GTF3C1: variants seen among roughly 807,000 people sequenced by gnomAD.
GTF3C1 encodes the protein general transcription factor IIIC subunit 1.
A neutral mutation model predicts 226.7 loss-of-function variants in GTF3C1; 57 were observed. The observed-to-expected ratio is 0.25, with a 90% confidence interval of 0.20 to 0.31. The LOEUF is 0.31. Ranked by LOEUF, GTF3C1 falls within the 10% of genes least tolerant of loss-of-function variation. The pLI, the probability that GTF3C1 is intolerant of heterozygous loss-of-function variation, is 1.00. For missense variants in GTF3C1, 2,217 were observed against 2,776.1 expected (o/e 0.80, Z 4.53); for synonymous variants, 1,090 against 1,084.8 (o/e 1.00, Z -0.09).
intron 6 of GTF3C1, among the ~76,000 whole-genome samples, chr16:27,517,180 T>C (rs1367176996): frequency 2.6e-5 from 4 of 152,208 alleles, no homozygotes; most frequent in African/African-American, 9.7e-5. Context: ...GTGTAGTGTG[T>C]GCCTTGTGAT....
intron 5 of GTF3C1, among the ~76,000 whole-genome samples, chr16:27,529,856 C>T (rs1306320088): frequency 4.6e-5 from 7 of 152,220 alleles, no homozygotes; most frequent in Non-Finnish European, 1.0e-4. Context: ...TGAAACTGAA[C>T]GTCAGTTGCC....
At chr16:27,529,336 A>G (rs2088880676) in intron 5 of GTF3C1, among the ~76,000 whole-genome samples, 1 of 151,828 alleles carries the variant, frequency 6.6e-6, no homozygotes, top group South Asian at 2.1e-4. Flanking sequence ...CTAGCTACTC[A>G]GGAGGTTGAG....
At chr16:27,518,147 T>C (rs1175991815) in intron 6 of GTF3C1, among the ~76,000 whole-genome samples, 1 of 152,008 alleles carries the variant, frequency 6.6e-6, no homozygotes, top group East Asian at 1.9e-4. Context: ...CAGGCAGACG[T>C]CATGTAAATT....
At chr16:27,467,243 G>A (rs760723111) in intron 32 of GTF3C1, among the ~76,000 whole-genome samples, 11 of 152,206 alleles carry the variant, frequency 7.2e-5, no homozygotes, top group Admixed American at 3.3e-4. Context: ...TGAAGCCAGT[G>A]GTCATTTCCC....
In GTF3C1 at chr16:27,462,264, C is replaced by T. The variant is rs555433341; in HGVS notation, c.6117+30G>A. ...CACTGAGTGCACCCAGCCGCCTCCA[C>T]ACCCTGCTGAACCCAGGAAGGCCCC... On this transcript the variant is annotated intron_variant, in intron 36 of 36. Transcript: ENST00000356183. The surrounding 1 kb of genome is among the most constrained non-coding windows in gnomAD (Gnocchi z 4.5). 33 of 1,519,344 alleles carry T rather than the reference C, an allele frequency of 2.2e-5. No homozygotes were observed. In the Admixed American group the frequency reaches 4.1e-4, roughly 19 times the overall value. The allele number at this position is 1,519,344 out of a possible 1,614,324, so 94.1% of individuals were successfully genotyped here.
Position 27,492,537 on chromosome 16 carries a change from G to T in GTF3C1, c.2974-22C>A. On this transcript the variant is annotated intron_variant, in intron 18 of 36. Coordinates refer to ENST00000356183, the MANE Select transcript of GTF3C1 (RefSeq NM_001520.4). The surrounding 1 kb of genome is among the most constrained non-coding windows in gnomAD (Gnocchi z 5.0). ...AGACCTAAGGGGAGACACCAGACAGGGAGAACCCACATTGGGTCTGGCTGC... is the reference window on the plus strand; with the variant it reads ...AGACCTAAGGGGAGACACCAGACAGTGAGAACCCACATTGGGTCTGGCTGC... 6.2e-7 allele frequency: 1 copy of T among 1,600,172 alleles called. No individual in the cohort carries two copies. The highest frequency in any genetic ancestry group is 8.6e-7 in the Non-Finnish European group (1 of 1,167,440).
intron 29 of GTF3C1, among the ~76,000 whole-genome samples, chr16:27,474,677 TC>T (rs1454465827): frequency 6.6e-6 from 1 of 152,238 alleles, no homozygotes; most frequent in Non-Finnish European, 1.5e-5. Context: ...TACTATTTAT[TC>T]TTTTCTCTGC....
At chr16:27,532,650 G>C (rs1053020875) in intron 5 of GTF3C1, among the ~76,000 whole-genome samples, 5 of 152,054 alleles carry the variant, frequency 3.3e-5, no homozygotes. Context: ...CTCCCCCTCA[G>C]GACAGCCGCT....
At chr16:27,485,945 A>C in intron 24 of GTF3C1, 52 bp downstream of exon 24, 4 of 1,299,896 alleles carry the variant, frequency 3.1e-6, no homozygotes, top group African/African-American at 1.5e-5. Flanking sequence ...CTCAGACAGG[A>C]AGGAGCTCCG....
rs200237368 is a variant in GTF3C1, at chr16:27,488,393, C to G, written c.3534G>C (p.Trp1178Cys). The change falls in exon 23 of 37, where the codon TGG (tryptophan) becomes TGC (cysteine). Residue 1178 changes from tryptophan (W) to cysteine (C), a missense_variant. Physicochemically the swap from Trp to Cys is radical, Grantham distance 215 (BLOSUM62 -2). Around this residue, in one of 12 missense-constraint regions of GTF3C1, gnomAD observed 546 missense variants for 663.0 expected, o/e 0.82. Transcript: ENST00000356183. ...GCTCGGAGCCTACTCTTGCTTCCCC[C>G]CAAATATTCAACCTGCTGTTGCCTA... ...SARGNSRLNI[W>C]GEARVGSELC... The G allele has an allele frequency of 1.0e-4, 169 of 1,613,094 alleles. No individual in the cohort carries two copies. The East Asian group carries it at 2.1e-3, about 20-fold the overall frequency.
chr16:27,483,470 C>A (rs2088087812), intron 25 of GTF3C1: 1 of 481,658 alleles, frequency 2.1e-6, no homozygotes, highest in South Asian at 1.5e-5. Flanking sequence ...AAACATCAAA[C>A]AGGCTTTGGG....
At chr16:27,530,124 G>C (rs777222884) in intron 5 of GTF3C1, among the ~76,000 whole-genome samples, 12 of 152,230 alleles carry the variant, frequency 7.9e-5, no homozygotes, top group East Asian at 7.7e-4. Context: ...TTACATTCTG[G>C]GGGGAGAGAC....
Position 27,484,424 on chromosome 16 carries a change from A to G in GTF3C1, c.3859-71T>C, listed in dbSNP as rs944036241. 120 of 1,080,438 alleles carry G rather than the reference A, an allele frequency of 1.1e-4. 1 individual carries two copies. Among genetic ancestry groups the G allele is most frequent in the Non-Finnish European group, 1.7e-4 (118 of 703,368 alleles). The allele number at this position is 1,080,438 out of a possible 1,614,324, so 66.9% of individuals were successfully genotyped here. On this transcript the variant is annotated intron_variant, in intron 24 of 36. Coordinates refer to ENST00000356183, the MANE Select transcript of GTF3C1 (RefSeq NM_001520.4). Reference sequence around the variant, plus strand: ...ACGACATCATGGGGAATTACCATAAAAAAGTGGACAAAATGTGTTTTGTGC... The same window carrying G: ...ACGACATCATGGGGAATTACCATAAGAAAGTGGACAAAATGTGTTTTGTGC...
At chr16:27,511,033 ATGGTTAACCTTAGG>A (rs2088564625) in intron 7 of GTF3C1, among the ~76,000 whole-genome samples, 2 of 152,168 alleles carry the variant, frequency 1.3e-5, no homozygotes, top group Admixed American at 1.3e-4. Flanking sequence ...TCACCACGTG[ATGGTTAACCTTAGG>A]TGTCAATGGG....
In GTF3C1 at chr16:27,470,926, T is replaced by C. The variant is rs368382531; in HGVS notation, c.4527-531A>G. On this transcript the variant is annotated intron_variant, in intron 30 of 36. Coordinates refer to ENST00000356183, the MANE Select transcript of GTF3C1 (RefSeq NM_001520.4). The surrounding 1 kb of genome is among the most constrained non-coding windows in gnomAD (Gnocchi z 4.9). Reference sequence around the variant, plus strand: ...CTGTGACCACTGCCCTCGGTTCAGATGGGGACATGCGGTCAGAGCAGTGTC... The same window carrying C: ...CTGTGACCACTGCCCTCGGTTCAGACGGGGACATGCGGTCAGAGCAGTGTC... Among the ~76,000 whole-genome samples, 3 of 152,202 alleles carry C rather than the reference T, an allele frequency of 2.0e-5. No individual in the cohort carries two copies. Among genetic ancestry groups the C allele is most frequent in the African/African-American group, 7.2e-5 (3 of 41,456 alleles).
chr16:27,494,829 G>A lies in GTF3C1; in HGVS notation c.2712C>T (p.Leu904=), dbSNP rs1206077401. The change falls in exon 16 of 37, where the codon CTC becomes CTT. Residue 904 remains leucine, a synonymous_variant. Coordinates refer to ENST00000356183, the MANE Select transcript of GTF3C1 (RefSeq NM_001520.4). ...GAAGGCAGAGGAGGATGTCGCTGAC[G>A]AGAGCCCAGCCAAAGCCGAAGTCCC... is the stretch of plus-strand genomic sequence containing the variant. ...VHRDFGFGWA[L]VSDILLCLPL... is the part of the protein sequence containing the mutation. The A allele has an allele frequency of 3.7e-6, 6 of 1,612,006 alleles. No homozygotes were observed. Among genetic ancestry groups the A allele is most frequent in the East Asian group, 2.2e-5 (1 of 44,870 alleles).
chr16:27,491,393 C>G (rs1434588001), intron 19 of GTF3C1, among the ~76,000 whole-genome samples: 1 of 152,202 alleles, frequency 6.6e-6, no homozygotes, highest in African/African-American at 2.4e-5. Context: ...CGTAGACCCT[C>G]CATGCATTTG....
At chr16:27,474,062 C>T (rs1185252801) in intron 29 of GTF3C1, among the ~76,000 whole-genome samples, 2 of 152,332 alleles carry the variant, frequency 1.3e-5, no homozygotes, top group Admixed American at 6.5e-5. Context: ...TGGGCTGTCA[C>T]AGGCACAGTG....
Position 27,501,213 on chromosome 16 carries a change from A to G in GTF3C1, c.2039T>C (p.Ile680Thr), listed in dbSNP as rs1437369412. The change falls in exon 12 of 37, where the codon ATT becomes ACT. Residue 680 changes from isoleucine (I) to threonine (T), a missense_variant. By Grantham distance (89) the Ile-to-Thr change is moderately conservative. Coordinates refer to ENST00000356183, the MANE Select transcript of GTF3C1 (RefSeq NM_001520.4). ...GLLRLYRTTV[I>T]QDGIKKKVDL... ...TACCTTCTTCTTGATGCCATCTTGAATGACAGTGGTCCGATACAATCGCAA... is the reference window on the plus strand; with the variant it reads ...TACCTTCTTCTTGATGCCATCTTGAGTGACAGTGGTCCGATACAATCGCAA... 2 of 1,613,084 alleles carry G rather than the reference A, an allele frequency of 1.2e-6. No homozygotes were observed. The highest frequency in any genetic ancestry group is 1.7e-6 in the Non-Finnish European group (2 of 1,179,104).
Sources: gnomAD v4.1 joint callset for allele counts (sites outside exome capture counted in the v4.1 genomes callset) on GRCh38, gnomAD v4.1.1 for gene constraint, gnomAD v4.1.1 regional missense constraint, Gnocchi (gnomAD v3.1) non-coding constraint, MANE v1.5 for transcripts, NCBI Gene and HGNC (gene_info 2026-07-23, HGNC 2026-07-21) for gene names.